The following DDHD2 variants were observed in gnomAD, a reference collection of about 807,000 sequenced individuals.
DDHD2 encodes the protein DDHD domain containing 2.
DDHD2 carries 62 observed loss-of-function variants against 91.2 expected under a neutral mutation model. The observed-to-expected ratio is 0.68, with a 90% CI of 0.55 to 0.84. DDHD2 has a LOEUF of 0.84. DDHD2 is among the 40% of genes least tolerant of loss of function. The pLI is 0.00. For missense variants in DDHD2, 740 were observed against 846.9 expected (o/e 0.87, Z 1.57); for synonymous variants, 271 against 293.9 (o/e 0.92, Z 0.80).
Position 38,249,755 on chromosome 8 carries a change from A to G in DDHD2, c.1296A>G (p.Gly432=). The G allele has an allele frequency of 1.2e-6, 2 of 1,612,378 alleles. No individual in the cohort carries two copies. The highest frequency in any genetic ancestry group is 1.7e-4 in the Middle Eastern group (1 of 6,002). Residue 432 remains glycine, a synonymous_variant, in exon 11 of 18, where the codon GGA becomes GGG. Coordinates refer to ENST00000397166, the MANE Select transcript of DDHD2 (RefSeq NM_015214.3). Reference sequence around the variant, plus strand: ...TTCAGGAAATAGGAATTCCTTTAGGACCAAGAAAGAAGATATTAAACTATT... The same window carrying G: ...TTCAGGAAATAGGAATTCCTTTAGGGCCAAGAAAGAAGATATTAAACTATT... The part of the protein sequence containing the change: ...RDLQEIGIPL[G]PRKKILNYFS...
intron 1 of DDHD2, chr8:38,269,140 C>A: frequency 6.6e-7 from 1 of 1,517,972 alleles, no homozygotes. Context: ...AGGCCGCGAA[C>A]AGCGCGAGCC....
In DDHD2 at chr8:38,238,371, A is replaced by C. The variant is rs1240858643; in HGVS notation, c.622+162A>C. Reference sequence around the variant, plus strand: ...ATTAGCATCACTTCGTCTACTAAGAATCTTAATAGATGTAAAAATATCTTT... The same window carrying C: ...ATTAGCATCACTTCGTCTACTAAGACTCTTAATAGATGTAAAAATATCTTT... On this transcript the variant is annotated intron_variant, in intron 5 of 17. Transcript: ENST00000397166. The C allele has an allele frequency of 2.8e-6, 4 of 1,408,832 alleles. No homozygotes were observed. The Admixed American group carries it at 1.2e-4, about 44-fold the overall frequency. 87.3% of individuals were successfully genotyped at this position (1,408,832 alleles called of 1,614,324 possible). A position where few individuals can be genotyped will look rare whatever the true frequency, so the allele number is the denominator to read the frequency against.
chr8:38,247,923 T>G (rs1189176204), intron 10 of DDHD2, 88 bp downstream of exon 10: 1 of 1,021,894 alleles, frequency 9.8e-7, no homozygotes. Context: ...TTTAGACACT[T>G]TTTAGTCATA....
chr8:38,262,882 G>A (rs1807142267), downstream of DDHD2: 2 of 151,938 alleles, frequency 1.3e-5, no homozygotes, highest in Non-Finnish European at 2.9e-5. Flanking sequence ...ATAGGTTTTG[G>A]GCAAAGAACT....
At chr8:38,238,908 G>A (rs897813987) in intron 5 of DDHD2, 1 of 159,478 alleles carries the variant, frequency 6.3e-6, no homozygotes, top group African/African-American at 2.4e-5. Context: ...TATGTAGTCT[G>A]CTTTCTAATG....
At chr8:38,266,496 G>A (rs1807615578), downstream of DDHD2, 1 of 552,842 alleles carries the variant, frequency 1.8e-6, no homozygotes, top group East Asian at 3.3e-5. Flanking sequence ...CACCACCCGG[G>A]TTCAAGCGAT....
intron 3 of DDHD2, among the ~76,000 whole-genome samples, chr8:38,237,052 T>A (rs1804832530): frequency 6.6e-6 from 1 of 152,142 alleles, no homozygotes; most frequent in African/African-American, 2.4e-5. Context: ...CCCTTTGTCC[T>A]GGTGCTACTA....
intron 16 of DDHD2, 107 bp from the exon 17 acceptor site, chr8:38,259,933 A>G: frequency 1.4e-6 from 1 of 738,702 alleles, no homozygotes. Flanking sequence ...TGCAGAAGTA[A>G]AAAATAAACT....
chr8:38,268,945 C>G, intron 1 of DDHD2: 1 of 1,564,556 alleles, frequency 6.4e-7, no homozygotes, highest in Non-Finnish European at 8.6e-7. Context: ...GCCACATCTC[C>G]TCCGGCTGGA....
chr8:38,266,915 G>T, downstream of DDHD2: 2 of 524,160 alleles, frequency 3.8e-6, no homozygotes, highest in Non-Finnish European at 5.6e-6. Context: ...CCACCTCATT[G>T]GATTATTGTG....
downstream of DDHD2, chr8:38,263,513 C>G: frequency 2.0e-6 from 2 of 985,392 alleles, no homozygotes; most frequent in Non-Finnish European, 2.4e-6. Context: ...TGACCATTTT[C>G]TTCTTTATTA....
intron 16 of DDHD2, among the ~76,000 whole-genome samples, chr8:38,256,135 CAA>C (rs1364886366): frequency 2.6e-5 from 4 of 152,154 alleles, no homozygotes; most frequent in Non-Finnish European, 5.9e-5. Context: ...TCATCACTCT[CAA>C]AAGTTTCCTT....
chr8:38,253,290 AT>A, intron 15 of DDHD2, 163 bp downstream of exon 15: 1 of 854,320 alleles, frequency 1.2e-6, no homozygotes, highest in Non-Finnish European at 1.8e-6. Flanking sequence ...TCCTGCTTGC[AT>A]TTAGTATAAA....
chr8:38,268,716 C>CTCAA (rs376893868), intron 1 of DDHD2: 5 of 1,433,432 alleles, frequency 3.5e-6, no homozygotes, highest in Admixed American at 2.9e-5. Context: ...ACCCTCCTCT[C>CTCAA]TCAATCAGGA....
At chr8:38,238,036 A>C in intron 4 of DDHD2, 53 bp from the exon 5 acceptor site, 10 of 1,516,362 alleles carry the variant, frequency 6.6e-6, no homozygotes, top group Non-Finnish European at 8.9e-6. Flanking sequence ...TGCATTGTAT[A>C]GAGATGATTG....
chr8:38,251,855 C>G, intron 11 of DDHD2, 57 bp from the exon 12 acceptor site: 1 of 1,290,402 alleles, frequency 7.7e-7, no homozygotes. Context: ...GTAGCTGGGA[C>G]TACAGGTGCA....
At chr8:38,235,875 A>G (rs887214951) in intron 3 of DDHD2, among the ~76,000 whole-genome samples, 6 of 117,964 alleles carry the variant, frequency 5.1e-5, no homozygotes, top group African/African-American at 1.6e-4. Context: ...GTACACGCGC[A>G]CACACACACA....
At chr8:38,254,306 A>G (rs1177879048) in intron 16 of DDHD2, among the ~76,000 whole-genome samples, 1 of 152,160 alleles carries the variant, frequency 6.6e-6, no homozygotes, top group Non-Finnish European at 1.5e-5. Context: ...ACTGGAACAA[A>G]TATTACTGTT....
downstream of DDHD2, chr8:38,264,887 C>G: frequency 6.2e-7 from 1 of 1,612,464 alleles, no homozygotes; most frequent in Non-Finnish European, 8.5e-7. Context: ...TTTTCTAACT[C>G]AGAAGAGTAA....
Sources: gnomAD v4.1 joint callset for allele counts (sites outside exome capture counted in the v4.1 genomes callset) on GRCh38, gnomAD v4.1.1 for gene constraint, MANE v1.5 for transcripts, NCBI Gene and HGNC (gene_info 2026-07-23, HGNC 2026-07-21) for gene names.